CCNB1IP1: variants seen among roughly 807,000 people sequenced by gnomAD.
CCNB1IP1 encodes cyclin B1 interacting protein 1.
Under a neutral mutation model 25.6 loss-of-function variants are expected in CCNB1IP1, and 14 were observed. That is an observed-to-expected ratio of 0.55 (90% CI 0.36 to 0.85). The LOEUF is 0.85. CCNB1IP1 is among the 40% of genes least tolerant of loss of function. The probability of loss-of-function intolerance (pLI) is 0.01; values close to 1 mark genes in which losing one functional copy is unlikely to be tolerated. For synonymous variants in CCNB1IP1, 119 were observed against 116.1 expected, an observed-to-expected ratio of 1.02 and a Z score of -0.16; for missense variants, 278 against 342.4, an observed-to-expected ratio of 0.81 and a Z score of 1.48.
chr14:20,314,038 C>T (rs1190622543), intron 5 of CCNB1IP1, among the ~76,000 whole-genome samples: 1 of 152,156 alleles, frequency 6.6e-6, no homozygotes, highest in Non-Finnish European at 1.5e-5. Context: ...TAACTTTATA[C>T]CACCAAAAGA....
intron 5 of CCNB1IP1, among the ~76,000 whole-genome samples, chr14:20,314,984 G>A (rs1292756948): frequency 6.7e-6 from 1 of 149,486 alleles, no homozygotes; most frequent in Non-Finnish European, 1.5e-5. Context: ...CCAGCTACTC[G>A]GGAGGCTGAG....
rs1425967600 is a variant in CCNB1IP1 at position 20,316,276 on chromosome 14, T to C, written c.248A>G (p.Glu83Gly). 6.2e-7 allele frequency: 1 copy of C among 1,613,880 alleles called. No homozygotes were observed. Among genetic ancestry groups the C allele is most frequent in the African/African-American group, 1.3e-5 (1 of 74,924 alleles). ...KAMVLAGLRP[E>G]IVLDISSRAL... ...TCGGGAGCTAATGTCCAACACGATCTCTGGTCGCAGTCCTGCCAATACCAT... is the reference window on the plus strand; with the variant it reads ...TCGGGAGCTAATGTCCAACACGATCCCTGGTCGCAGTCCTGCCAATACCAT... Residue 83 changes from glutamate (E) to glycine (G), a missense_variant, in exon 5 of 7, where the codon GAG becomes GGG. By Grantham distance (98) the Glu-to-Gly change is moderately conservative. Transcript: ENST00000358932.
At chr14:20,332,143 T>A (rs561679394) in intron 1 of CCNB1IP1, among the ~76,000 whole-genome samples, 124 of 148,728 alleles carry the variant, frequency 8.3e-4, no homozygotes, top group African/African-American at 2.9e-3. Context: ...CAAGCGATTC[T>A]CCTGCCTCAG....
chr14:20,317,840 GCTCCACAAGCGAAGATTCCAGGATT>G (rs1216054344), intron 4 of CCNB1IP1: 2 of 152,274 alleles, frequency 1.3e-5, no homozygotes, highest in African/African-American at 4.8e-5. Context: ...TGCCTCCACA[GCTCCACAAGCGAAGATTCCAGGATT>G]CTCTGCGAGC....
At chr14:20,325,281 C>T (rs1177507962) in intron 4 of CCNB1IP1, among the ~76,000 whole-genome samples, 1 of 148,782 alleles carries the variant, frequency 6.7e-6, no homozygotes, top group East Asian at 2.0e-4. Flanking sequence ...ATTAGCCGGG[C>T]GTAGTGGCGG....
At chr14:20,317,438 A>T (rs1162222439) in intron 4 of CCNB1IP1, among the ~76,000 whole-genome samples, 2 of 151,476 alleles carry the variant, frequency 1.3e-5, no homozygotes, top group African/African-American at 4.8e-5. Flanking sequence ...CTCCAGGTCG[A>T]TAGAAAAGAA....
At chr14:20,317,803 G>A (rs1035852781) in intron 4 of CCNB1IP1, 1 of 152,260 alleles carries the variant, frequency 6.6e-6, no homozygotes, top group Non-Finnish European at 1.5e-5. Context: ...ATCTGAGGCT[G>A]AAAGAAAAAG....
At chr14:20,318,668 T>C (rs6575124) in intron 4 of CCNB1IP1, among the ~76,000 whole-genome samples, 48,275 of 151,874 alleles carry the variant, frequency 0.32, 8,513 homozygotes, top group African/African-American at 0.48. Context: ...TAGGTAATTA[T>C]TTTCTGCTTA....
chr14:20,315,339 T>C (rs1022894594), intron 5 of CCNB1IP1: 7 of 286,588 alleles, frequency 2.4e-5, no homozygotes, highest in Non-Finnish European at 3.5e-5. Flanking sequence ...GCTGGCAATA[T>C]AAAATGGTAT....
At chr14:20,312,796 T>G (rs1258819737) in intron 6 of CCNB1IP1, among the ~76,000 whole-genome samples, 1 of 151,392 alleles carries the variant, frequency 6.6e-6, no homozygotes, top group African/African-American at 2.4e-5. Flanking sequence ...GAACCCTATT[T>G]GGATAACCTT....
intron 1 of CCNB1IP1, 37 bp from the exon 2 acceptor site, chr14:20,329,410 G>A (rs1378702375): frequency 6.6e-6 from 1 of 152,200 alleles, no homozygotes; most frequent in African/African-American, 2.4e-5. Flanking sequence ...TTGTTCATAG[G>A]AAGTAAATAC....
In CCNB1IP1 at chr14:20,332,440, TA is replaced by T. The variant is rs1883281298; in HGVS notation, c.-431+813del. Reference sequence around the variant, plus strand: ...AAACAGATATCCAAAATACTTGCTGTAAATAAATAAGTACTGCTTACTTCTA... The same window carrying T: ...AAACAGATATCCAAAATACTTGCTGTAATAAATAAGTACTGCTTACTTCTA... On this transcript the variant is annotated intron_variant, in intron 1 of 6. Coordinates refer to ENST00000358932, the MANE Select transcript of CCNB1IP1 (RefSeq NM_021178.5). Among the ~76,000 whole-genome samples, 3 of 152,300 alleles carry T rather than the reference TA, an allele frequency of 2.0e-5. No individual in the cohort carries two copies. In the East Asian group the frequency reaches 5.8e-4, roughly 29 times the overall value.
intron 4 of CCNB1IP1, among the ~76,000 whole-genome samples, chr14:20,317,127 G>A (rs921633974): frequency 2.6e-5 from 4 of 151,952 alleles, no homozygotes; most frequent in African/African-American, 9.7e-5. Flanking sequence ...TATATATATA[G>A]GCTGGGCGCG....
intron 2 of CCNB1IP1, among the ~76,000 whole-genome samples, chr14:20,328,785 AT>A (rs1278359589): frequency 6.6e-6 from 1 of 152,198 alleles, no homozygotes; most frequent in Non-Finnish European, 1.5e-5. Context: ...ACCTTTCCCA[AT>A]GTGTGATGCT....
intron 4 of CCNB1IP1, among the ~76,000 whole-genome samples, chr14:20,322,308 C>A (rs1339022498): frequency 2.0e-5 from 3 of 152,042 alleles, no homozygotes; most frequent in Non-Finnish European, 2.9e-5. Context: ...TTCCCCACCA[C>A]CCCACCCTGA....
chr14:20,320,804 CA>C (rs11292210), intron 4 of CCNB1IP1, among the ~76,000 whole-genome samples: 39,108 of 99,656 alleles, frequency 0.39, 5,988 homozygotes, highest in African/African-American at 0.49. Context: ...GACTCCGTCT[CA>C]AAAAAAAAAA....
intron 1 of CCNB1IP1, among the ~76,000 whole-genome samples, chr14:20,332,646 C>G (rs1289812058): frequency 6.6e-6 from 1 of 152,074 alleles, no homozygotes; most frequent in Non-Finnish European, 1.5e-5. Flanking sequence ...TAATCTTTTT[C>G]CATAGCTTTT....
At chr14:20,320,194 A>G (rs1882846514) in intron 4 of CCNB1IP1, 2 of 396,008 alleles carry the variant, frequency 5.1e-6, no homozygotes, top group Admixed American at 3.0e-5. Context: ...CTACTCCAAT[A>G]TCATACTCTT....
At chr14:20,320,927 C>T (rs1445025327) in intron 4 of CCNB1IP1, among the ~76,000 whole-genome samples, 2 of 151,554 alleles carry the variant, frequency 1.3e-5, no homozygotes, top group Admixed American at 1.3e-4. Context: ...CACCTGAGGT[C>T]GGGAGTTCGA....
Sources: gnomAD v4.1 joint callset for allele counts (sites outside exome capture counted in the v4.1 genomes callset) on GRCh38, gnomAD v4.1.1 for gene constraint, MANE v1.5 for transcripts, NCBI Gene and HGNC (gene_info 2026-07-23, HGNC 2026-07-21) for gene names.